The following VDAC3 variants were observed in gnomAD, a reference collection of about 807,000 sequenced individuals.
The protein encoded by VDAC3 is voltage dependent anion channel 3.
VDAC3 carries 7 observed loss-of-function variants against 33.9 expected under a neutral mutation model. The ratio of observed to expected loss-of-function variants is 0.21; its 90% CI spans 0.12 to 0.39. VDAC3 has a LOEUF of 0.39. VDAC3 is among the 10% of genes least tolerant of loss of function. The probability of loss-of-function intolerance (pLI) is 1.00; values close to 1 mark genes in which losing one functional copy is unlikely to be tolerated. For synonymous variants in VDAC3, 100 were observed against 122.4 expected (o/e 0.82, Z 1.21); for missense variants, 261 against 334.5 (o/e 0.78, Z 1.71).
Position 42,405,654 on chromosome 8 carries a change from C to T in VDAC3, c.*192C>T. 1.9e-6 allele frequency: 1 copy of T among 537,250 alleles called. No homozygotes were observed. Among genetic ancestry groups the T allele is most frequent in the South Asian group, 2.3e-5 (1 of 44,240 alleles). The allele number at this position is 537,250 out of a possible 1,614,324, so 33.3% of individuals were successfully genotyped here. ...CTGAGGGAGATGCTTGAAGGCATGC[C>T]TGGAAGTTGTCATGTTTGTGCCACG... On this transcript the variant is annotated 3_prime_UTR_variant, in exon 10 of 10. Transcript: ENST00000022615.
chr8:42,392,399 T>C (rs1824885533), intron 1 of VDAC3, among the ~76,000 whole-genome samples: 1 of 152,252 alleles, frequency 6.6e-6, no homozygotes, highest in African/African-American at 2.4e-5. Flanking sequence ...TTAACGCCTT[T>C]CCCCGTCTGC....
chr8:42,399,090 C>T (rs1424419611), intron 5 of VDAC3, among the ~76,000 whole-genome samples: 1 of 151,982 alleles, frequency 6.6e-6, no homozygotes, highest in East Asian at 1.9e-4. Context: ...TTCTCTGTTA[C>T]ACAGCTAAGC....
rs766604517 is a variant in VDAC3, at chr8:42,401,856, T to C, written c.392T>C (p.Ile131Thr). 5 of 1,614,256 alleles carry C rather than the reference T, an allele frequency of 3.1e-6. No homozygotes were observed. Among genetic ancestry groups the C allele is most frequent in the East Asian group, 2.2e-5 (1 of 44,886 alleles). The part of the protein sequence containing the change: ...DCFSVGSNVD[I>T]DFSGPTIYGW... ...TTTAGTGTTGGCAGTAATGTTGATA[T>C]AGATTTTTCTGGACCAACCATCTAT... The change falls in exon 7 of 10, where the codon ATA becomes ACA. Residue 131 changes from isoleucine to threonine, a missense_variant. Ile to Thr is a moderately conservative substitution (Grantham distance 89, BLOSUM62 -1). Coordinates refer to ENST00000022615, the MANE Select transcript of VDAC3 (RefSeq NM_005662.7).
chr8:42,394,873 A>T (rs1275016046), intron 3 of VDAC3, among the ~76,000 whole-genome samples: 2 of 152,162 alleles, frequency 1.3e-5, no homozygotes, highest in Admixed American at 1.3e-4. Flanking sequence ...TTACATTTTA[A>T]AAGTATATCT....
chr8:42,403,460 CT>C lies in VDAC3; in HGVS notation c.702del (p.Ala235LeufsTer3). 6.4e-7 allele frequency: 1 copy of C among 1,568,222 alleles called. No individual in the cohort carries two copies. Among genetic ancestry groups the C allele is most frequent in the Non-Finnish European group, 8.6e-7 (1 of 1,161,372 alleles). On this transcript the variant is annotated frameshift_variant and splice_region_variant, in exon 8 of 10. Coordinates refer to ENST00000022615, the MANE Select transcript of VDAC3 (RefSeq NM_005662.7). LOFTEE classifies it high-confidence loss of function. ...ATGCTGGATTGTAGAACTTCTCTCT[CT>C]GTAAGAATGTGCTGCCAGATTGGAT... ...KYMLDCRTSL[S>X]AKVNNASLIG...
intron 6 of VDAC3, 78 bp downstream of exon 6, chr8:42,399,781 T>C: frequency 7.2e-7 from 1 of 1,393,020 alleles, no homozygotes; most frequent in Non-Finnish European, 1.0e-6. Context: ...GGAGATATAG[T>C]GCAAAGTTCA....
rs1222789593 is a variant in VDAC3 at position 42,405,895 on chromosome 8, TA to T, written c.*435del. ...AAATAAACCCATCACATTTGGAACA[TA>T]ACTGCTCATGTGACTTGCTGGTGAT... On this transcript the variant is annotated 3_prime_UTR_variant, in exon 10 of 10. Transcript: ENST00000022615. 6.5e-6 allele frequency: 1 copy of T among 154,100 alleles called. No homozygotes were observed. The highest frequency in any genetic ancestry group is 2.4e-5 in the African/African-American group (1 of 41,472). The allele number at this position is 154,100 out of a possible 1,614,324, so 9.5% of individuals were successfully genotyped here. A position where few individuals can be genotyped will look rare whatever the true frequency, so the allele number is the denominator to read the frequency against.
At chr8:42,396,578 G>A in intron 4 of VDAC3, 2 of 663,718 alleles carry the variant, frequency 3.0e-6, no homozygotes, top group South Asian at 1.7e-5. Flanking sequence ...CTCATTTTGT[G>A]TAGGTTCCAG....
At chr8:42,399,504 G>C in intron 5 of VDAC3, 147 bp from the exon 6 acceptor site, 1 of 607,664 alleles carries the variant, frequency 1.6e-6, no homozygotes. Context: ...AGGATGGAGA[G>C]CTTACTTATT....
At chr8:42,396,670 T>A (rs543497526) in intron 4 of VDAC3, 2 of 695,930 alleles carry the variant, frequency 2.9e-6, no homozygotes, top group Non-Finnish European at 5.2e-6. Context: ...GTGGTAATAT[T>A]CATTCAGATG....
intron 3 of VDAC3, among the ~76,000 whole-genome samples, chr8:42,394,526 T>C (rs1250150139): frequency 1.3e-5 from 2 of 152,202 alleles, no homozygotes; most frequent in Non-Finnish European, 2.9e-5. Context: ...ATCTGGAATG[T>C]AGAATAATAT....
At chr8:42,393,100 C>T (rs544688367) in intron 1 of VDAC3, among the ~76,000 whole-genome samples, 4 of 152,012 alleles carry the variant, frequency 2.6e-5, no homozygotes, top group African/African-American at 9.7e-5. Context: ...TTATACTAGT[C>T]TCTTTATATC....
rs185067611 is a variant in VDAC3 at position 42,405,399 on chromosome 8, C to T, written c.789C>T (p.Ile263=). 99 of 1,612,878 alleles carry T rather than the reference C, an allele frequency of 6.1e-5. No homozygotes were observed. Among genetic ancestry groups the T allele is most frequent in the Middle Eastern group, 5.8e-4 (3 of 5,132 alleles). ...PGVKLTLSAL[I]DGKNFSAGGH... is the part of the protein sequence containing the mutation. Reference sequence around the variant, plus strand: ...TCAAATTGACTTTATCAGCTTTAATCGATGGGAAGAACTTCAGTGCAGGAG... The same window carrying T: ...TCAAATTGACTTTATCAGCTTTAATTGATGGGAAGAACTTCAGTGCAGGAG... Residue 263 remains isoleucine, a synonymous_variant, in exon 10 of 10, where the codon ATC becomes ATT. Coordinates refer to ENST00000022615, the MANE Select transcript of VDAC3 (RefSeq NM_005662.7).
At chr8:42,402,544 G>A (rs918878037) in intron 7 of VDAC3, among the ~76,000 whole-genome samples, 1 of 152,184 alleles carries the variant, frequency 6.6e-6, no homozygotes, top group Admixed American at 6.5e-5. Flanking sequence ...CAGTTATGTA[G>A]GCTGCACCAT....
intron 8 of VDAC3, among the ~76,000 whole-genome samples, chr8:42,404,000 T>G (rs1417055867): frequency 1.3e-5 from 2 of 152,220 alleles, no homozygotes; most frequent in African/African-American, 4.8e-5. Context: ...AGAATTTTCT[T>G]ATTTGGAAAT....
At position 42,401,826 on chromosome 8, in the gene VDAC3, A is replaced by T; in HGVS notation, c.362A>T (p.Asp121Val). ...AAATTGAAGGCCTCCTATAAACGGGATTGTTTTAGTGTTGGCAGTAATGTT... is the reference window on the plus strand; with the variant it reads ...AAATTGAAGGCCTCCTATAAACGGGTTTGTTTTAGTGTTGGCAGTAATGTT... ...SGKLKASYKR[D>V]CFSVGSNVDI... The change falls in exon 7 of 10, where the codon GAT becomes GTT. Residue 121 changes from aspartate to valine, a missense_variant. By Grantham distance (152) the Asp-to-Val change is radical. Transcript: ENST00000022615. 1 of 1,614,108 alleles carries T rather than the reference A, an allele frequency of 6.2e-7. No individual in the cohort carries two copies. The highest frequency in any genetic ancestry group is 8.5e-7 in the Non-Finnish European group (1 of 1,180,026).
Position 42,398,720 on chromosome 8 carries a change from T to G in VDAC3, c.126T>G (p.Ser42=), listed in dbSNP as rs955545777. 9 of 1,597,114 alleles carry G rather than the reference T, an allele frequency of 5.6e-6. No individual in the cohort carries two copies. The highest frequency in any genetic ancestry group is 1.8e-5 in the Admixed American group (1 of 54,442). The change falls in exon 5 of 10, where the codon TCT becomes TCG. Residue 42 remains serine (S), a synonymous_variant. Coordinates refer to ENST00000022615, the MANE Select transcript of VDAC3 (RefSeq NM_005662.7). ...TTTTTCTTGCTTACCAGGAATTTTC[T>G]ACTTCTGGTCATGCTTACACTGATA... The part of the protein sequence containing the change: ...KTKSCSGVEF[S]TSGHAYTDTG...
intron 5 of VDAC3, 176 bp from the exon 6 acceptor site, chr8:42,399,475 G>T (rs73675058): frequency 1.6e-5 from 8 of 493,612 alleles, no homozygotes; most frequent in Non-Finnish European, 2.9e-5. Context: ...CATGATGAAG[G>T]CTGGGGTGAG....
In VDAC3 at chr8:42,404,872, A is replaced by C; in HGVS notation, c.708A>C (p.Lys236Asn). 5 of 1,613,310 alleles carry C rather than the reference A, an allele frequency of 3.1e-6. No individual in the cohort carries two copies. Among genetic ancestry groups the C allele is most frequent in the Non-Finnish European group, 4.2e-6 (5 of 1,179,486 alleles). The stretch of plus-strand genomic sequence containing the variant: ...ATTCTATCTCTTAATCTTAGGCTAA[A>C]GTAAATAATGCCAGCCTGATTGGAC... ...MLDCRTSLSA[K>N]VNNASLIGLG... is the part of the protein sequence containing the mutation. The change falls in exon 9 of 10, where the codon AAA becomes AAC. Residue 236 changes from lysine to asparagine, a missense_variant. Physicochemically the swap from Lys to Asn is moderately conservative, Grantham distance 94 (BLOSUM62 0). Coordinates refer to ENST00000022615, the MANE Select transcript of VDAC3 (RefSeq NM_005662.7).
Sources: allele counts gnomAD v4.1 joint callset (sites outside exome capture counted in the v4.1 genomes callset), GRCh38; gene constraint gnomAD v4.1.1; transcripts MANE v1.5; gene names NCBI Gene and HGNC (gene_info 2026-07-23, HGNC 2026-07-21).